CCL26: variants seen among roughly 807,000 people sequenced by gnomAD.
CCL26 encodes the protein C-C motif chemokine ligand 26, also known as C-C motif chemokine 26.
In CCL26, 10 loss-of-function variants were observed where a neutral mutation model predicts 10.7. That is an observed-to-expected ratio of 0.93 (90% CI 0.57 to 1.58). The LOEUF is 1.58. Ranked by LOEUF, CCL26 falls within the 40% of genes most tolerant of loss-of-function variation. The pLI, the probability that CCL26 is intolerant of heterozygous loss-of-function variation, is 0.00. For missense variants in CCL26, 116 were observed against 111.0 expected, an observed-to-expected ratio of 1.05 and a Z score of -0.20; for synonymous variants, 43 against 41.4, an observed-to-expected ratio of 1.04 and a Z score of -0.15.
intron 2 of CCL26, 54 bp downstream of exon 2, chr7:75,771,835 C>T: frequency 9.1e-7 from 1 of 1,104,716 alleles, no homozygotes; most frequent in African/African-American, 1.5e-5. Context: ...GCCCAGCACC[C>T]ATCCTGTTGC....
upstream of CCL26, among the ~76,000 whole-genome samples, chr7:75,791,013 C>CTTTTTTTT (rs35608337): frequency 6.7e-5 from 9 of 134,348 alleles, no homozygotes; most frequent in Non-Finnish European, 7.9e-5. Flanking sequence ...GAAACTCCTC[C>CTTTTTTTT]TTTTTTTTTT....
At chr7:75,776,648 GC>G (rs1554528773), upstream of CCL26, among the ~76,000 whole-genome samples, 2 of 152,000 alleles carry the variant, frequency 1.3e-5, no homozygotes, top group Non-Finnish European at 2.9e-5. Flanking sequence ...AATGGCTGAG[GC>G]GTGAACACTT....
chr7:75,791,475 G>C (rs1176142295), upstream of CCL26, among the ~76,000 whole-genome samples: 1 of 152,046 alleles, frequency 6.6e-6, no homozygotes, highest in Admixed American at 6.6e-5. Context: ...TACCCTCCAG[G>C]TTGCTTCCTG....
chr7:75,789,913 C>A (rs979070671), upstream of CCL26: 1 of 152,158 alleles, frequency 6.6e-6, no homozygotes, highest in East Asian at 1.9e-4. Flanking sequence ...ACAATGAATT[C>A]TTGGGGTATA....
At chr7:75,785,937 T>G (rs970603891) in intron 1 of CCL26, among the ~76,000 whole-genome samples, 1 of 152,204 alleles carries the variant, frequency 6.6e-6, no homozygotes, top group Non-Finnish European at 1.5e-5. Context: ...CCAGCCATCA[T>G]GTCTCCATGC....
At chr7:75,776,568 GGAAGGA>G (rs1554528744), upstream of CCL26, among the ~76,000 whole-genome samples, 7 of 141,778 alleles carry the variant, frequency 4.9e-5, no homozygotes, top group Admixed American at 2.9e-4. Context: ...AAGGAAGGAA[GGAAGGA>G]AGGAAGGAAG....
At chr7:75,778,848 T>TCG (rs59030718) in intron 1 of CCL26, among the ~76,000 whole-genome samples, 237 of 149,238 alleles carry the variant, frequency 1.6e-3, no homozygotes, top group Non-Finnish European at 1.6e-3. Context: ...GAGGCCAAGG[T>TCG]GGGGGGGGCA....
chr7:75,773,784 G>T (rs576357452), upstream of CCL26, among the ~76,000 whole-genome samples: 1 of 152,082 alleles, frequency 6.6e-6, no homozygotes, highest in South Asian at 2.1e-4. Context: ...TTGGGAGGCT[G>T]AGGCAGGAGA....
upstream of CCL26, among the ~76,000 whole-genome samples, chr7:75,790,051 C>T (rs371376637): frequency 1.1e-4 from 14 of 126,870 alleles, 1 homozygote; most frequent in South Asian, 2.7e-3. Context: ...TCCTCCCTAC[C>T]TCTCTTTCTT....
At chr7:75,774,271 T>A (rs1802888413), upstream of CCL26, among the ~76,000 whole-genome samples, 2 of 152,204 alleles carry the variant, frequency 1.3e-5, no homozygotes, top group Admixed American at 1.3e-4. Context: ...TGACTCAGCC[T>A]CCCAAGTAGC....
rs578110189 is a variant in CCL26 at position 75,777,399 on chromosome 7, G to A, written c.-78-5145C>T. ...TAATAACATAATACAATACTATTCCGCAGTGAGAATGAACTACAGTTACTT... is the reference window on the plus strand; with the variant it reads ...TAATAACATAATACAATACTATTCCACAGTGAGAATGAACTACAGTTACTT... On this transcript the variant is annotated intron_variant, in intron 1 of 3. Transcript: ENST00000394905. Among the ~76,000 whole-genome samples the A allele has an allele frequency of 4.4e-4, 67 of 152,022 alleles. 2 individuals carry two copies. The South Asian group carries it at 0.012, about 27-fold the overall frequency.
chr7:75,772,255 C>T, upstream of CCL26: 1 of 1,035,158 alleles, frequency 9.7e-7, no homozygotes, highest in Non-Finnish European at 1.4e-6. Flanking sequence ...TGAGACGGCC[C>T]TGAAAACAAT....
chr7:75,773,180 AAAAC>A (rs1196295814), upstream of CCL26, among the ~76,000 whole-genome samples: 2 of 152,148 alleles, frequency 1.3e-5, no homozygotes, highest in Non-Finnish European at 1.5e-5. Context: ...AAAACAAAAC[AAAAC>A]AAACAAACAA....
At chr7:75,787,863 C>T (rs1177248227) in intron 1 of CCL26, among the ~76,000 whole-genome samples, 6 of 152,002 alleles carry the variant, frequency 3.9e-5, no homozygotes, top group East Asian at 1.9e-4. Flanking sequence ...TTCTCTTATT[C>T]GGAACTTGTG....
At position 75,784,352 on chromosome 7, in the gene CCL26, G is replaced by A. The variant is rs532297081; in HGVS notation, c.-79+5365C>T. 1.2e-4 allele frequency among the ~76,000 whole-genome samples: 18 copies of A among 152,280 alleles called. No individual in the cohort carries two copies. The South Asian group carries it at 1.7e-3, about 14-fold the overall frequency. On this transcript the variant is annotated intron_variant, in intron 1 of 3. Transcript: ENST00000394905. The stretch of plus-strand genomic sequence containing the variant: ...AGAGCCCCTGGAACTCTGGCCCAAG[G>A]CTCTCTGACTGACTCCTTCCCAGAT...
intron 1 of CCL26, among the ~76,000 whole-genome samples, chr7:75,782,155 G>C (rs567223165): frequency 6.6e-6 from 1 of 151,954 alleles, no homozygotes; most frequent in Non-Finnish European, 1.5e-5. Context: ...CAATCTTGGC[G>C]CCACCCTTCA....
In CCL26 at chr7:75,769,685, C is replaced by G; in HGVS notation, c.*8G>C. ...GTCCAAGCGTCCTCGGATGAAAATT[C>G]AGCTGAGTCACAATTGTTTCGGAGT... is the stretch of plus-strand genomic sequence containing the variant. On this transcript the variant is annotated 3_prime_UTR_variant, in exon 3 of 3. Coordinates refer to ENST00000005180, the MANE Select transcript of CCL26 (RefSeq NM_001371938.1). 1 of 1,591,106 alleles carries G rather than the reference C, an allele frequency of 6.3e-7. No individual in the cohort carries two copies. The highest frequency in any genetic ancestry group is 8.6e-7 in the Non-Finnish European group (1 of 1,159,086).
intron 1 of CCL26, among the ~76,000 whole-genome samples, chr7:75,777,528 G>A (rs1188759366): frequency 1.3e-5 from 2 of 151,810 alleles, no homozygotes; most frequent in Admixed American, 6.6e-5. Flanking sequence ...TAGGAGGATC[G>A]CTTGAGCCCA....
intron 1 of CCL26, among the ~76,000 whole-genome samples, chr7:75,781,572 C>A (rs782269417): frequency 6.6e-6 from 1 of 152,206 alleles, no homozygotes; most frequent in Non-Finnish European, 1.5e-5. Flanking sequence ...CCATCATATC[C>A]CCAGTGACCT....
Sources: allele counts gnomAD v4.1 joint callset (sites outside exome capture counted in the v4.1 genomes callset), GRCh38; gene constraint gnomAD v4.1.1; transcripts MANE v1.5; gene names NCBI Gene and HGNC (gene_info 2026-07-23, HGNC 2026-07-21).